The following DMD variants were observed in gnomAD, a reference collection of about 807,000 sequenced individuals.
The protein encoded by DMD is mutant dystrophin.
DMD carries 63 observed loss-of-function variants against 330.1 expected under a neutral mutation model. The observed-to-expected ratio is 0.19, with a 90% CI of 0.16 to 0.24. The LOEUF is 0.24. Among genes scored for constraint, DMD ranks in the 10% least tolerant of loss-of-function variants. The pLI is 1.00. For synonymous variants in DMD, 1,223 were observed against 959.8 expected (o/e 1.27, Z -5.07); for missense variants, 3,344 against 2,684.1 (o/e 1.25, Z -5.43).
intron 44 of DMD, among the ~76,000 whole-genome samples, chrX:32,216,436 A>G (rs977855605): frequency 8.9e-6 from 1 of 112,220 alleles, no homozygotes; most frequent in African/African-American, 3.2e-5. Context: ...GGACTATTTC[A>G]GAAGGCATTT....
At chrX:31,284,568 T>TCTTCTTCTTCTTCTTCTTC (rs2052926578) in intron 62 of DMD, among the ~76,000 whole-genome samples, 1 of 61,330 alleles carries the variant, frequency 1.6e-5, no homozygotes, top group African/African-American at 6.4e-5. Flanking sequence ...TTCTTCTTCT[T>TCTTCTTCTTCTTCTTCTTC]CTTCTTCTTC....
intron 1 of DMD, among the ~76,000 whole-genome samples, chrX:33,246,696 G>GT (rs747039220): frequency 1.8e-3 from 199 of 110,328 alleles, no homozygotes; most frequent in African/African-American, 6.4e-3. Flanking sequence ...GTTTTGTTTT[G>GT]TTTTTTTGAG....
intron 23 of DMD, among the ~76,000 whole-genome samples, chrX:32,465,593 T>TG (rs1569563847): frequency 8.2e-5 from 8 of 97,372 alleles, no homozygotes; most frequent in East Asian, 3.1e-4. Context: ...TTTTTTTTTT[T>TG]TTTTTTTTTT....
chrX:31,963,022 A>T (rs902774027), intron 45 of DMD, among the ~76,000 whole-genome samples: 1 of 111,861 alleles, frequency 8.9e-6, no homozygotes, highest in Non-Finnish European at 1.9e-5. Context: ...GTTGAAAGCT[A>T]TTTGGTTGGG....
intron 42 of DMD, among the ~76,000 whole-genome samples, chrX:32,292,690 G>A (rs138806175): frequency 2.7e-5 from 3 of 111,637 alleles, no homozygotes; most frequent in Non-Finnish European, 5.6e-5. Context: ...TCCAGATGAC[G>A]GGCTCTGAAG....
chrX:32,828,451 T>TACAC (rs566508820), intron 4 of DMD, among the ~76,000 whole-genome samples: 2,558 of 105,039 alleles, frequency 0.024, 78 homozygotes, highest in African/African-American at 0.083. Context: ...AGTGTGTGTA[T>TACAC]ACACACACAC....
At chrX:33,053,701 A>T in intron 1 of DMD, among the ~76,000 whole-genome samples, 1 of 112,178 alleles carries the variant, frequency 8.9e-6, no homozygotes, top group East Asian at 2.8e-4. Flanking sequence ...AATTCTAGGT[A>T]TGTTCCAAAA....
chrX:32,711,623 G>A (rs1218616417), intron 7 of DMD, among the ~76,000 whole-genome samples: 2 of 111,860 alleles, frequency 1.8e-5, no homozygotes, highest in African/African-American at 3.2e-5. Context: ...AGCCATACAT[G>A]CTTATTGTAG....
chrX:31,249,208 A>C (rs747170973), intron 63 of DMD, among the ~76,000 whole-genome samples: 14 of 111,498 alleles, frequency 1.3e-4, no homozygotes, highest in Non-Finnish European at 2.3e-4. Context: ...TGATACCTCC[A>C]CTACCACAGA....
chrX:31,906,395 A>C (rs1462573681), intron 47 of DMD, among the ~76,000 whole-genome samples: 1 of 112,168 alleles, frequency 8.9e-6, no homozygotes, highest in Non-Finnish European at 1.9e-5. Context: ...CTTGTAGATG[A>C]TACCAAATAA....
intron 1 of DMD, among the ~76,000 whole-genome samples, chrX:33,242,272 TCCCCAAGTC>T (rs1464860790): frequency 9.0e-6 from 1 of 111,011 alleles, no homozygotes; most frequent in African/African-American, 3.3e-5. Context: ...CCAACTCTTC[TCCCCAAGTC>T]CCCAAAGTCC....
intron 44 of DMD, among the ~76,000 whole-genome samples, chrX:31,973,259 C>A (rs754137653): frequency 9.7e-6 from 1 of 102,692 alleles, no homozygotes; most frequent in South Asian, 4.5e-4. Flanking sequence ...GGAAATCTAG[C>A]AGTTAGGAAA....
chrX:31,295,868 T>A (rs1291256008), intron 62 of DMD, among the ~76,000 whole-genome samples: 2 of 112,047 alleles, frequency 1.8e-5, no homozygotes, highest in African/African-American at 6.5e-5. Flanking sequence ...ACAAGAAAAA[T>A]TTAACTTTGG....
chrX:33,107,800 A>G (rs2095304523), intron 1 of DMD, among the ~76,000 whole-genome samples: 1 of 111,861 alleles, frequency 8.9e-6, no homozygotes, highest in Non-Finnish European at 1.9e-5. Flanking sequence ...TCAGGTTATA[A>G]TTCCAGATTC....
chrX:32,881,489 T>C (rs188449015), intron 2 of DMD, among the ~76,000 whole-genome samples: 73 of 111,972 alleles, frequency 6.5e-4, no homozygotes, highest in African/African-American at 2.3e-3. Context: ...TCTAACACTC[T>C]CAAAAATAAG....
At chrX:31,591,429 A>G (rs922267523) in intron 55 of DMD, among the ~76,000 whole-genome samples, 7 of 111,256 alleles carry the variant, frequency 6.3e-5, no homozygotes, top group Non-Finnish European at 1.3e-4. Context: ...TCAGAGGCCT[A>G]TTTTTCATGG....
intron 55 of DMD, among the ~76,000 whole-genome samples, chrX:31,514,621 A>G (rs1239271398): frequency 8.9e-6 from 1 of 112,566 alleles, no homozygotes; most frequent in Admixed American, 9.5e-5. Context: ...TTTGAATATT[A>G]CATGGAATTT....
At chrX:32,420,037 T>C (rs149514229) in intron 29 of DMD, among the ~76,000 whole-genome samples, 1 of 111,847 alleles carries the variant, frequency 8.9e-6, no homozygotes, top group Non-Finnish European at 1.9e-5. Flanking sequence ...AAAAAGAAAG[T>C]GAATGAAGCA....
intron 2 of DMD, among the ~76,000 whole-genome samples, chrX:33,012,437 G>T (rs1208615927): frequency 8.9e-6 from 1 of 111,764 alleles, no homozygotes; most frequent in Non-Finnish European, 1.9e-5. Flanking sequence ...TTTATGAGTA[G>T]TAGAAATAAA....
Sources: gnomAD v4.1 joint callset for allele counts (sites outside exome capture counted in the v4.1 genomes callset) on GRCh38, gnomAD v4.1.1 for gene constraint, MANE v1.5 for transcripts, NCBI Gene and HGNC (gene_info 2026-07-23, HGNC 2026-07-21) for gene names.